RUFY3: variants seen among roughly 807,000 people sequenced by gnomAD.
The protein encoded by RUFY3 is protein RUFY3.
Under a neutral mutation model 84.0 loss-of-function variants are expected in RUFY3, and 34 were observed. That is an observed-to-expected ratio of 0.40 (90% confidence interval 0.31 to 0.54). The LOEUF is 0.54. RUFY3 is among the 20% of genes least tolerant of loss of function. The pLI is 0.39. For missense variants in RUFY3, 507 were observed against 736.8 expected, an observed-to-expected ratio of 0.69 and a Z score of 3.61; for synonymous variants, 242 against 252.9, an observed-to-expected ratio of 0.96 and a Z score of 0.41.
At chr4:70,787,187 A>AAAAAAAAAAAAAAAAAATATAT (rs1553920475) in intron 10 of RUFY3, among the ~76,000 whole-genome samples, 2 of 81,476 alleles carry the variant, frequency 2.5e-5, no homozygotes, top group African/African-American at 1.0e-4. Context: ...AAAAAAAAAA[A>AAAAAAAAAAAAAAAAAATATAT]ATATATATAT....
At chr4:70,789,294 T>C (rs764818090) in intron 11 of RUFY3, among the ~76,000 whole-genome samples, 8 of 152,216 alleles carry the variant, frequency 5.3e-5, no homozygotes, top group Non-Finnish European at 1.2e-4. Flanking sequence ...TGTGATACAT[T>C]GATGAACTAT....
intron 1 of RUFY3, among the ~76,000 whole-genome samples, chr4:70,743,621 A>G (rs939371328): frequency 1.3e-5 from 2 of 151,828 alleles, no homozygotes; most frequent in East Asian, 3.9e-4. Context: ...GTCGATGGTT[A>G]TTATAGGTGA....
Position 70,705,128 on chromosome 4 carries a change from CT to C in RUFY3, c.194del (p.Phe65SerfsTer40). 6.9e-7 allele frequency: 1 copy of C among 1,440,554 alleles called. No homozygotes were observed. Among genetic ancestry groups the C allele is most frequent in the Non-Finnish European group, 9.1e-7 (1 of 1,100,192 alleles). 89.2% of individuals were successfully genotyped at this position (1,440,554 alleles called of 1,614,324 possible). A position where few individuals can be genotyped will look rare whatever the true frequency, so the allele number is the denominator to read the frequency against. On this transcript the variant is annotated frameshift_variant, in exon 1 of 12. Transcript: ENST00000417478. LOFTEE classifies it high-confidence loss of function. Reference sequence around the variant, plus strand: ...AGCCCGACTCGCCGGTGGCCGCCCCCTTCTTCCTGCTGTACCCCGGCGATGG... The same window carrying C: ...AGCCCGACTCGCCGGTGGCCGCCCCCTCTTCCTGCTGTACCCCGGCGATGG...
At chr4:70,724,503 T>A (rs150926623) in intron 1 of RUFY3, among the ~76,000 whole-genome samples, 1 of 152,218 alleles carries the variant, frequency 6.6e-6, no homozygotes, top group Non-Finnish European at 1.5e-5. Flanking sequence ...GCCATTTGAA[T>A]TCTTCATAGA....
At position 70,721,965 on chromosome 4, in the gene RUFY3, G is replaced by A. The variant is rs1742352654; in HGVS notation, c.-609G>A. 1 of 1,231,978 alleles carries A rather than the reference G, an allele frequency of 8.1e-7. No individual in the cohort carries two copies. The highest frequency in any genetic ancestry group is 1.0e-6 in the Non-Finnish European group (1 of 987,970). The allele number at this position is 1,231,978 out of a possible 1,614,324, so 76.3% of individuals were successfully genotyped here. A position where few individuals can be genotyped will look rare whatever the true frequency, so the allele number is the denominator to read the frequency against. ...CACATGAGCCTGAATTTTCAGTTCA[G>A]TTCATTAGTCAGCCATTTTGGTCAA... On this transcript the variant is annotated 5_prime_UTR_variant, in exon 1 of 18. Coordinates refer to ENST00000381006, the MANE Select transcript of RUFY3 (RefSeq NM_001037442.4).
At chr4:70,756,752 A>G (rs1418097643) in intron 1 of RUFY3, among the ~76,000 whole-genome samples, 1 of 152,120 alleles carries the variant, frequency 6.6e-6, no homozygotes, top group Non-Finnish European at 1.5e-5. Flanking sequence ...TCCTATGCAT[A>G]TTCCCCTGGT....
At chr4:70,737,478 C>T (rs1472371808) in intron 1 of RUFY3, among the ~76,000 whole-genome samples, 1 of 152,076 alleles carries the variant, frequency 6.6e-6, no homozygotes, top group Non-Finnish European at 1.5e-5. Flanking sequence ...AGCAGCTTCC[C>T]AGCTAAAGTA....
At chr4:70,804,491 C>T (rs1732619730) in intron 17 of RUFY3, 75 bp downstream of exon 17, 1 of 1,293,134 alleles carries the variant, frequency 7.7e-7, no homozygotes, top group Non-Finnish European at 1.1e-6. Flanking sequence ...CCAGGAGTAA[C>T]AGGGACTTTC....
chr4:70,746,024 A>C (rs562087865), intron 1 of RUFY3, among the ~76,000 whole-genome samples: 2 of 152,104 alleles, frequency 1.3e-5, no homozygotes, highest in East Asian at 3.9e-4. Context: ...TGGGCAATAG[A>C]GTGAGTCTCC....
At position 70,722,497 on chromosome 4, in the gene RUFY3, G is replaced by A. The variant is rs1742434435; in HGVS notation, c.-77G>A. On this transcript the variant is annotated 5_prime_UTR_variant, in exon 1 of 18. Transcript: ENST00000381006. Reference sequence around the variant, plus strand: ...TGTATTGGGTTTTTTTGGTGAGGAGGTTGTATTTATTTTTTTGGTGTGTGT... The same window carrying A: ...TGTATTGGGTTTTTTTGGTGAGGAGATTGTATTTATTTTTTTGGTGTGTGT... The A allele has an allele frequency of 7.5e-6, 11 of 1,462,794 alleles. No individual in the cohort carries two copies. The highest frequency in any genetic ancestry group is 1.0e-5 in the Non-Finnish European group (11 of 1,095,968). The allele number at this position is 1,462,794 out of a possible 1,614,324, so 90.6% of individuals were successfully genotyped here. A position where few individuals can be genotyped will look rare whatever the true frequency, so the allele number is the denominator to read the frequency against.
chr4:70,753,254 G>A (rs541302779), intron 1 of RUFY3, among the ~76,000 whole-genome samples: 2 of 152,118 alleles, frequency 1.3e-5, no homozygotes, highest in Non-Finnish European at 1.5e-5. Flanking sequence ...TTTCATTCCC[G>A]ATTTTAGTAA....
chr4:70,802,894 A>G (rs865816745), intron 15 of RUFY3, 62 bp from the exon 16 acceptor site: 8 of 1,204,100 alleles, frequency 6.6e-6, no homozygotes, highest in Middle Eastern at 2.0e-4. Context: ...TTTTATTGAA[A>G]TGATATAAAT....
chr4:70,751,359 A>C (rs1275910439), intron 1 of RUFY3, among the ~76,000 whole-genome samples: 2 of 152,238 alleles, frequency 1.3e-5, no homozygotes, highest in Non-Finnish European at 2.9e-5. Context: ...CTGCCAAAGC[A>C]GCTGGACCAT....
intron 7 of RUFY3, among the ~76,000 whole-genome samples, chr4:70,778,085 T>C (rs554780622): frequency 6.6e-6 from 1 of 152,098 alleles, no homozygotes; most frequent in South Asian, 2.1e-4. Context: ...ATACAAAAAT[T>C]AGCTGGATTT....
Position 70,774,935 on chromosome 4 carries a change from T to C in RUFY3, c.759-233T>C, listed in dbSNP as rs1260389415. Reference sequence around the variant, plus strand: ...GTGACCTAAATTATTAATACTGAGGTTTGTAAGCTATAACAAGAGCTTTAT... The same window carrying C: ...GTGACCTAAATTATTAATACTGAGGCTTGTAAGCTATAACAAGAGCTTTAT... On this transcript the variant is annotated intron_variant, in intron 6 of 17. Transcript: ENST00000381006. Among the ~76,000 whole-genome samples, 3 of 151,838 alleles carry C rather than the reference T, an allele frequency of 2.0e-5. 1 individual carries two copies. The highest frequency in any genetic ancestry group is 4.4e-5 in the Non-Finnish European group (3 of 67,974).
intron 1 of RUFY3, among the ~76,000 whole-genome samples, chr4:70,724,349 T>C: frequency 6.6e-6 from 1 of 152,220 alleles, no homozygotes. Flanking sequence ...ATATGAAATA[T>C]TCCCTTTATC....
chr4:70,801,785 C>T (rs1445133657), intron 15 of RUFY3, among the ~76,000 whole-genome samples: 2 of 152,182 alleles, frequency 1.3e-5, no homozygotes, highest in South Asian at 2.1e-4. Context: ...TAAACTATCA[C>T]CCATCTCACA....
rs1405779303 is a variant in RUFY3 at position 70,806,547 on chromosome 4, G to A, written c.1751G>A (p.Cys584Tyr). 2 of 1,613,988 alleles carry A rather than the reference G, an allele frequency of 1.2e-6. No individual in the cohort carries two copies. The highest frequency in any genetic ancestry group is 1.7e-5 in the Admixed American group (1 of 59,998). The change falls in exon 18 of 18, where the codon TGT (cysteine) becomes TAT (tyrosine). Residue 584 changes from cysteine (C) to tyrosine (Y), a missense_variant. Cys to Tyr is a radical substitution (Grantham distance 194). Coordinates refer to ENST00000381006, the MANE Select transcript of RUFY3 (RefSeq NM_001037442.4). ...TGTAAGAACTGCAGCGGAACCTTCT[G>A]TGATGCCTGTTCAACAAATGAACTG... ...NVCKNCSGTF[C>Y]DACSTNELPL...
rs1732894461 is a variant in RUFY3, at chr4:70,806,734, A to C, written c.*75A>C. 82 of 1,542,846 alleles carry C rather than the reference A, an allele frequency of 5.3e-5. No homozygotes were observed. The highest frequency in any genetic ancestry group is 1.7e-4 in the Middle Eastern group (1 of 5,812). On this transcript the variant is annotated 3_prime_UTR_variant, in exon 18 of 18. Transcript: ENST00000381006. ...CCTGTGTTTTAGCTGTCAGGATCTC[A>C]TAGAGCCCAGTTCTTAGAGTCAACT...
Sources: gnomAD v4.1 joint callset for allele counts (sites outside exome capture counted in the v4.1 genomes callset) on GRCh38, gnomAD v4.1.1 for gene constraint, MANE v1.5 for transcripts, NCBI Gene and HGNC (gene_info 2026-07-23, HGNC 2026-07-21) for gene names.